NHLRC2: variants seen among roughly 807,000 people sequenced by gnomAD.
NHLRC2 encodes NHL repeat containing 2.
NHLRC2 carries 33 observed loss-of-function variants against 68.1 expected under a neutral mutation model. That is an observed-to-expected ratio of 0.48 (90% CI 0.37 to 0.65). The LOEUF is 0.65. NHLRC2 is among the 30% of genes least tolerant of loss of function. NHLRC2 has a pLI of 0.00. For synonymous variants in NHLRC2, 311 were observed against 309.6 expected (o/e 1.00, Z -0.05); for missense variants, 761 against 853.8 (o/e 0.89, Z 1.35).
chr10:113,869,709 A>G (rs1189732936), intron 2 of NHLRC2, among the ~76,000 whole-genome samples: 3 of 152,220 alleles, frequency 2.0e-5, no homozygotes, highest in African/African-American at 7.2e-5. Flanking sequence ...GTGATACATG[A>G]TAACATACTT....
intron 4 of NHLRC2, 46 bp downstream of exon 4, chr10:113,879,741 G>T: frequency 1.6e-6 from 2 of 1,220,878 alleles, no homozygotes; most frequent in South Asian, 1.4e-5. Context: ...ATCAGAAAAA[G>T]GAAATGTATT....
chr10:113,876,518 C>T lies in NHLRC2; in HGVS notation c.332-3C>T. 1 of 1,542,512 alleles carries T rather than the reference C, an allele frequency of 6.5e-7. No individual in the cohort carries two copies. Among genetic ancestry groups the T allele is most frequent in the Middle Eastern group, 1.7e-4 (1 of 5,742 alleles). ...TGTTTAACATATAATTTTTTCCTTT[C>T]AGATGGTCTTCTTATTATTGGTGTT... On this transcript the variant is annotated splice_polypyrimidine_tract_variant and splice_region_variant and intron_variant, in intron 2 of 10. Transcript: ENST00000369301.
chr10:113,857,275 T>G (rs1320770387), intron 1 of NHLRC2, among the ~76,000 whole-genome samples: 1 of 152,110 alleles, frequency 6.6e-6, no homozygotes, highest in African/African-American at 2.4e-5. Flanking sequence ...AGAAGACAGA[T>G]TAATAAATAT....
intron 5 of NHLRC2, among the ~76,000 whole-genome samples, chr10:113,886,013 A>G (rs375175302): frequency 9.9e-5 from 15 of 152,180 alleles, no homozygotes; most frequent in African/African-American, 3.4e-4. Flanking sequence ...CTACCAAAAG[A>G]CTATTAGAGC....
intron 2 of NHLRC2, among the ~76,000 whole-genome samples, chr10:113,865,192 G>A (rs1195073188): frequency 2.6e-5 from 4 of 151,796 alleles, no homozygotes; most frequent in Non-Finnish European, 2.9e-5. Context: ...CTCGTGATAC[G>A]CCTGCCTCGG....
At chr10:113,858,971 G>T in intron 2 of NHLRC2, 1 of 229,090 alleles carries the variant, frequency 4.4e-6, no homozygotes, top group Non-Finnish European at 8.4e-6. Context: ...CTTTTTGTAT[G>T]TTGAGGCTGA....
At chr10:113,893,874 T>G (rs1846154484) in intron 5 of NHLRC2, among the ~76,000 whole-genome samples, 2 of 152,212 alleles carry the variant, frequency 1.3e-5, no homozygotes, top group African/African-American at 4.8e-5. Flanking sequence ...AATGTTTTTG[T>G]TCCTAAAGCT....
chr10:113,903,881 A>C, intron 9 of NHLRC2, 145 bp downstream of exon 9: 1 of 605,896 alleles, frequency 1.7e-6, no homozygotes, highest in South Asian at 2.0e-5. Flanking sequence ...TGACAAAGAG[A>C]CCAGCAGGAC....
At chr10:113,856,224 CT>C in intron 1 of NHLRC2, among the ~76,000 whole-genome samples, 1 of 152,244 alleles carries the variant, frequency 6.6e-6, no homozygotes, top group East Asian at 1.9e-4. Context: ...AGTAGCATTG[CT>C]TTGCCTGATG....
chr10:113,888,474 G>A (rs947567696), intron 5 of NHLRC2, among the ~76,000 whole-genome samples: 1 of 152,116 alleles, frequency 6.6e-6, no homozygotes, highest in African/African-American at 2.4e-5. Context: ...ATGTAGGAAA[G>A]GGACTAGAAA....
At chr10:113,864,023 T>C (rs1426090333) in intron 2 of NHLRC2, among the ~76,000 whole-genome samples, 2 of 152,230 alleles carry the variant, frequency 1.3e-5, no homozygotes, top group Non-Finnish European at 2.9e-5. Context: ...GAAAATGTGG[T>C]GTGTGCATAC....
In NHLRC2 at chr10:113,916,215, A is replaced by G. The variant is rs1002641568; in HGVS notation, c.*7679A>G. 1.3e-5 allele frequency: 2 copies of G among 152,314 alleles called. No homozygotes were observed. The highest frequency in any genetic ancestry group is 2.4e-5 in the African/African-American group (1 of 41,558). 9.4% of individuals were successfully genotyped at this position (152,314 alleles called of 1,614,324 possible). On this transcript the variant is annotated 3_prime_UTR_variant, in exon 11 of 11. Coordinates refer to ENST00000369301, the MANE Select transcript of NHLRC2 (RefSeq NM_198514.4). ...AAAATGCCAGCAAGTTTTTGTTTGT[A>G]TAGAGTTGGAATGTATTGTTCGTGC...
intron 2 of NHLRC2, among the ~76,000 whole-genome samples, chr10:113,870,051 G>C (rs1460318279): frequency 6.6e-6 from 1 of 152,134 alleles, no homozygotes; most frequent in East Asian, 1.9e-4. Context: ...ACCAAGGTCT[G>C]GGAACTAGAT....
Position 113,854,685 on chromosome 10 carries a change from G to T in NHLRC2, c.-188G>T. The T allele has an allele frequency of 1.8e-6, 1 of 565,200 alleles. No individual in the cohort carries two copies. The highest frequency in any genetic ancestry group is 1.9e-5 in the African/African-American group (1 of 51,546). 35.0% of individuals were successfully genotyped at this position (565,200 alleles called of 1,614,324 possible). A position where few individuals can be genotyped will look rare whatever the true frequency, so the allele number is the denominator to read the frequency against. On this transcript the variant is annotated 5_prime_UTR_variant, in exon 1 of 11. Transcript: ENST00000369301. ...CAGTTTAATTACGTCCCCGGGAACT[G>T]CGCCGATTTGGACTTTTGGCACTTG...
At chr10:113,874,752 T>C (rs1353583716) in intron 2 of NHLRC2, among the ~76,000 whole-genome samples, 1 of 152,120 alleles carries the variant, frequency 6.6e-6, no homozygotes, top group East Asian at 1.9e-4. Flanking sequence ...TTCAATCTTC[T>C]TTCTCTCTTT....
Position 113,909,141 on chromosome 10 carries a change from A to G in NHLRC2, c.*605A>G, listed in dbSNP as rs901805333. The G allele has an allele frequency of 2.0e-5, 3 of 152,180 alleles. No individual in the cohort carries two copies. Among genetic ancestry groups the G allele is most frequent in the Middle Eastern group, 3.2e-3 (1 of 316 alleles). The allele number at this position is 152,180 out of a possible 1,614,324, so 9.4% of individuals were successfully genotyped here. ...TATTTTTAAAAGAGAGTTTTGATCT[A>G]TTTTTATTATAAATTATTTGTTATT... On this transcript the variant is annotated 3_prime_UTR_variant, in exon 11 of 11. Coordinates refer to ENST00000369301, the MANE Select transcript of NHLRC2 (RefSeq NM_198514.4).
intron 2 of NHLRC2, among the ~76,000 whole-genome samples, chr10:113,869,356 T>G (rs1471521165): frequency 1.3e-5 from 2 of 152,148 alleles, no homozygotes. Flanking sequence ...GAGGAGAAGG[T>G]TATGAGTTTA....
At position 113,902,558 on chromosome 10, in the gene NHLRC2, A is replaced by G; in HGVS notation, c.1459A>G (p.Asn487Asp). 3 of 1,610,092 alleles carry G rather than the reference A, an allele frequency of 1.9e-6. No individual in the cohort carries two copies. The highest frequency in any genetic ancestry group is 2.5e-6 in the Non-Finnish European group (3 of 1,177,994). Residue 487 changes from asparagine to aspartate, a missense_variant, in exon 8 of 11, where the codon AAT becomes GAT. Physicochemically the swap from Asn to Asp is conservative, Grantham distance 23. Transcript: ENST00000369301. ...TGGAGTAACATGGGACAAAAAAAGG[A>G]ATTTACTTTATGTTGCAGACTCCTA... ...PLGVTWDKKR[N>D]LLYVADSYNH...
intron 2 of NHLRC2, among the ~76,000 whole-genome samples, chr10:113,875,511 C>T (rs972326933): frequency 6.6e-6 from 1 of 152,034 alleles, no homozygotes; most frequent in African/African-American, 2.4e-5. Flanking sequence ...CCATACAGCT[C>T]CAAAACTGGA....
Sources: allele counts gnomAD v4.1 joint callset (sites outside exome capture counted in the v4.1 genomes callset), GRCh38; gene constraint gnomAD v4.1.1; transcripts MANE v1.5; gene names NCBI Gene and HGNC (gene_info 2026-07-23, HGNC 2026-07-21).